Variants in SLC35F1 observed in about 807,000 individuals in gnomAD.
SLC35F1 encodes solute carrier family 35 member F1, also known as chromosome 6 open reading frame 169.
SLC35F1 carries 14 observed loss-of-function variants against 48.7 expected under a neutral mutation model. That is an observed-to-expected ratio of 0.29 (90% confidence interval 0.19 to 0.45). The LOEUF is 0.45. SLC35F1 is among the 20% of genes least tolerant of loss of function. SLC35F1 has a pLI of 1.00. For synonymous variants in SLC35F1, 190 were observed against 202.2 expected, an observed-to-expected ratio of 0.94 and a Z score of 0.51; for missense variants, 404 against 500.0, an observed-to-expected ratio of 0.81 and a Z score of 1.83.
At chr6:118,291,276 C>T (rs937616967) in intron 7 of SLC35F1, among the ~76,000 whole-genome samples, 2 of 101,928 alleles carry the variant, frequency 2.0e-5, no homozygotes, top group Non-Finnish European at 2.1e-5. Context: ...CACACACACA[C>T]ACACACACAT....
chr6:118,225,545 A>G lies in SLC35F1; in HGVS notation c.350-9964A>G, dbSNP rs534071136. Among the ~76,000 whole-genome samples, 17 of 152,328 alleles carry G rather than the reference A, an allele frequency of 1.1e-4. No individual in the cohort carries two copies. In the East Asian group the frequency reaches 3.3e-3, roughly 29 times the overall value. Reference sequence around the variant, plus strand: ...CCTGAAACTATGAAAGCACTAGAAGAAAACATTGGGGAAATATTCCAGGAC... The same window carrying G: ...CCTGAAACTATGAAAGCACTAGAAGGAAACATTGGGGAAATATTCCAGGAC... On this transcript the variant is annotated intron_variant, in intron 2 of 7. Transcript: ENST00000360388.
intron 7 of SLC35F1, among the ~76,000 whole-genome samples, chr6:118,292,529 A>G (rs1776136920): frequency 6.6e-6 from 1 of 152,166 alleles, no homozygotes; most frequent in South Asian, 2.1e-4. Flanking sequence ...ATTACAGATT[A>G]TTCTTTAACT....
At position 118,092,272 on chromosome 6, in the gene SLC35F1, G is replaced by A. The variant is rs190392131; in HGVS notation, c.174-62173G>A. ...CAGCCCCTCTCATCACAGGCCTGGA[G>A]GCCTAGGAGGGAAAAATGGTTTCAT... On this transcript the variant is annotated intron_variant, in intron 1 of 7. Coordinates refer to ENST00000360388, the MANE Select transcript of SLC35F1 (RefSeq NM_001029858.4). Among the ~76,000 whole-genome samples the A allele has an allele frequency of 1.6e-4, 25 of 152,304 alleles. No individual in the cohort carries two copies. The East Asian group carries it at 3.7e-3, about 22-fold the overall frequency.
intron 6 of SLC35F1, among the ~76,000 whole-genome samples, chr6:118,283,452 A>G (rs566216543): frequency 1.1e-3 from 174 of 152,210 alleles, no homozygotes; most frequent in Non-Finnish European, 2.0e-3. Context: ...TCAGAGAATA[A>G]TAGTTGAATA....
chr6:118,292,278 G>A (rs933685207), intron 7 of SLC35F1, among the ~76,000 whole-genome samples: 10 of 152,188 alleles, frequency 6.6e-5, no homozygotes, highest in Admixed American at 2.6e-4. Context: ...GTACATGGCT[G>A]CAAGCAGGTA....
chr6:118,301,188 T>G (rs892194204), intron 7 of SLC35F1, among the ~76,000 whole-genome samples: 2 of 152,152 alleles, frequency 1.3e-5, no homozygotes, highest in African/African-American at 4.8e-5. Flanking sequence ...TTGGTAATTA[T>G]TTTTTTAATG....
chr6:118,297,729 TAA>T (rs1170679649), intron 7 of SLC35F1, among the ~76,000 whole-genome samples: 1 of 128,314 alleles, frequency 7.8e-6, no homozygotes, highest in East Asian at 2.0e-4. Context: ...ATTATATATA[TAA>T]GTTCTGAGAA....
chr6:117,953,728 C>G (rs1392065716), intron 1 of SLC35F1, among the ~76,000 whole-genome samples: 2 of 152,164 alleles, frequency 1.3e-5, no homozygotes, highest in African/African-American at 4.8e-5. Flanking sequence ...CCAGAGTCCC[C>G]AAGTGGTTCT....
At chr6:118,043,793 C>T (rs1353635061) in intron 1 of SLC35F1, among the ~76,000 whole-genome samples, 1 of 152,184 alleles carries the variant, frequency 6.6e-6, no homozygotes, top group African/African-American at 2.4e-5. Flanking sequence ...TTTTGCCAGA[C>T]AGGCAGTGTG....
chr6:117,911,582 C>T (rs1173438238), intron 1 of SLC35F1, among the ~76,000 whole-genome samples: 3 of 151,732 alleles, frequency 2.0e-5, no homozygotes, highest in African/African-American at 7.3e-5. Context: ...AATACAGGTG[C>T]ACACCACCAT....
chr6:118,011,704 C>T (rs1165480922), intron 1 of SLC35F1, among the ~76,000 whole-genome samples: 2 of 152,196 alleles, frequency 1.3e-5, no homozygotes, highest in Non-Finnish European at 2.9e-5. Flanking sequence ...TCACCCACCA[C>T]TCACCTCCTG....
rs17079621 is a variant in SLC35F1, at chr6:117,995,992, C to G, written c.173+88093C>G. Among the ~76,000 whole-genome samples the G allele has an allele frequency of 9.8e-3, 1,491 of 152,248 alleles. 21 individuals are homozygous for G. Among genetic ancestry groups the G allele is most frequent in the African/African-American group, 0.034 (1,413 of 41,550 alleles). On this transcript the variant is annotated intron_variant, in intron 1 of 7. Transcript: ENST00000360388. ...TAAAATTACAGCAGAGGGGAAGATT[C>G]ATTAATGCCATTTCCCATCTTTGTG...
chr6:118,012,444 G>T (rs1007679712), intron 1 of SLC35F1, among the ~76,000 whole-genome samples: 2 of 152,050 alleles, frequency 1.3e-5, no homozygotes, highest in Non-Finnish European at 2.9e-5. Context: ...CTGCCCCCTT[G>T]TTTCTAGAGT....
At chr6:117,923,589 A>ACC (rs1775933298) in intron 1 of SLC35F1, among the ~76,000 whole-genome samples, 2 of 49,462 alleles carry the variant, frequency 4.0e-5, no homozygotes, top group African/African-American at 1.1e-4. Flanking sequence ...GTGTGTATAT[A>ACC]TACATATGTG....
chr6:117,980,808 C>A (rs1231218356), intron 1 of SLC35F1, among the ~76,000 whole-genome samples: 1 of 152,124 alleles, frequency 6.6e-6, no homozygotes, highest in Non-Finnish European at 1.5e-5. Context: ...TGAGTTAAAT[C>A]TTGATGAAAG....
intron 1 of SLC35F1, among the ~76,000 whole-genome samples, chr6:118,042,289 T>C (rs1249026990): frequency 1.3e-5 from 2 of 152,222 alleles, no homozygotes; most frequent in Non-Finnish European, 2.9e-5. Flanking sequence ...GATAGCCATA[T>C]GTGAGCAGAT....
At chr6:118,000,271 C>A (rs1777071551) in intron 1 of SLC35F1, among the ~76,000 whole-genome samples, 1 of 152,130 alleles carries the variant, frequency 6.6e-6, no homozygotes, top group African/African-American at 2.4e-5. Flanking sequence ...GGGCTTCATC[C>A]CTGTGATGCA....
intron 1 of SLC35F1, among the ~76,000 whole-genome samples, chr6:118,078,057 C>G (rs1772847625): frequency 2.0e-5 from 3 of 151,968 alleles, no homozygotes; most frequent in South Asian, 4.2e-4. Context: ...AGCAATGGAA[C>G]CTTTTTTTTT....
At chr6:117,946,441 T>C (rs1239144057) in intron 1 of SLC35F1, among the ~76,000 whole-genome samples, 3 of 152,218 alleles carry the variant, frequency 2.0e-5, no homozygotes, top group African/African-American at 7.2e-5. Flanking sequence ...ATGCATCTGC[T>C]CACAGAGGTC....
Sources: gnomAD v4.1 joint callset for allele counts (sites outside exome capture counted in the v4.1 genomes callset) on GRCh38, gnomAD v4.1.1 for gene constraint, MANE v1.5 for transcripts, NCBI Gene and HGNC (gene_info 2026-07-23, HGNC 2026-07-21) for gene names.